Variants in NEU3 observed in about 807,000 individuals in gnomAD.
The protein encoded by NEU3 is neuraminidase 3.
In NEU3, 10 loss-of-function variants were observed where a neutral mutation model predicts 11.4. That is an observed-to-expected ratio of 0.88 (90% CI 0.54 to 1.49). The LOEUF (loss-of-function observed/expected upper bound fraction) is 1.49, where lower values mean the gene tolerates loss of function less well. Ranked by LOEUF, NEU3 falls within the 40% of genes most tolerant of loss-of-function variation. The probability of loss-of-function intolerance (pLI) is 0.00; values close to 1 mark genes in which losing one functional copy is unlikely to be tolerated. For synonymous variants in NEU3, 212 were observed against 228.2 expected (o/e 0.93, Z 0.64); for missense variants, 529 against 581.8 (o/e 0.91, Z 0.93).
At chr11:75,015,799 G>C (rs1362465734), downstream of NEU3, among the ~76,000 whole-genome samples, 2 of 152,186 alleles carry the variant, frequency 1.3e-5, no homozygotes, top group African/African-American at 2.4e-5. Context: ...TCCCTAGTCT[G>C]TCAGTCAGCT....
intron 2 of NEU3, among the ~76,000 whole-genome samples, chr11:74,998,873 C>G (rs985415037): frequency 6.6e-6 from 1 of 152,218 alleles, no homozygotes; most frequent in East Asian, 1.9e-4. Flanking sequence ...GCCCTACAGC[C>G]CAGTAGTACT....
upstream of NEU3, among the ~76,000 whole-genome samples, chr11:74,983,799 A>ATCCAG (rs1256857653): frequency 6.6e-6 from 1 of 152,212 alleles, no homozygotes; most frequent in African/African-American, 2.4e-5. Flanking sequence ...AGTCAGTGCA[A>ATCCAG]TCACTAATAC....
At chr11:74,990,187 T>G in intron 1 of NEU3, 1 of 605,392 alleles carries the variant, frequency 1.7e-6, no homozygotes, top group Non-Finnish European at 2.9e-6. Flanking sequence ...TTCTTCATAT[T>G]GATCTGCTTA....
In NEU3 at chr11:74,992,821, G is replaced by C. The variant is rs140988129; in HGVS notation, c.95-1688G>C. On this transcript the variant is annotated intron_variant, in intron 1 of 2. Transcript: ENST00000294064. ...TAAAAATACAAAAAATTAGCTGGGC[G>C]TGCTGGCGGGCGCTTGCAATCCCAG... 2.6e-3 allele frequency among the ~76,000 whole-genome samples: 400 copies of C among 152,242 alleles called. 2 individuals carry two copies. Among genetic ancestry groups the C allele is most frequent in the African/African-American group, 9.3e-3 (385 of 41,542 alleles).
upstream of NEU3, among the ~76,000 whole-genome samples, chr11:74,985,029 A>C (rs1355311497): frequency 6.6e-6 from 1 of 152,160 alleles, no homozygotes; most frequent in Non-Finnish European, 1.5e-5. Context: ...TAAATATAGA[A>C]ATTGCTCTTT....
At chr11:74,996,823 G>C (rs912728664) in intron 2 of NEU3, among the ~76,000 whole-genome samples, 2 of 152,306 alleles carry the variant, frequency 1.3e-5, no homozygotes, top group Middle Eastern at 3.4e-3. Flanking sequence ...ATTAGTGGCC[G>C]TGAAAACAAC....
chr11:75,017,178 CTGCTTCCAAGGCCAGTGAGTATCCCAG>C (rs1195415164), intron 3 of NEU3, among the ~76,000 whole-genome samples: 2 of 152,220 alleles, frequency 1.3e-5, no homozygotes, highest in African/African-American at 4.8e-5. Context: ...GCTTCCATGT[CTGCTTCCAAGGCCAGTGAGTATCCCAG>C]TGCTTCAGGC....
At chr11:74,989,928 G>C (rs766715214) in intron 1 of NEU3, 3 of 701,310 alleles carry the variant, frequency 4.3e-6, no homozygotes, top group Non-Finnish European at 7.8e-6. Flanking sequence ...CCCCAGAGCA[G>C]GCCCATATCT....
chr11:74,994,487 A>G (rs1218727187), intron 1 of NEU3, 22 bp from the exon 2 acceptor site: 2 of 1,574,890 alleles, frequency 1.3e-6, no homozygotes, highest in Non-Finnish European at 1.7e-6. Context: ...GACACACATT[A>G]AGCTTCCTTC....
Position 74,989,234 on chromosome 11 carries a change from T to C in NEU3, c.94+80T>C, listed in dbSNP as rs1268552061. 3.3e-6 allele frequency: 4 copies of C among 1,209,760 alleles called. No homozygotes were observed. The African/African-American group carries it at 4.6e-5, about 14-fold the overall frequency. 74.9% of individuals were successfully genotyped at this position (1,209,760 alleles called of 1,614,324 possible). A position where few individuals can be genotyped will look rare whatever the true frequency, so the allele number is the denominator to read the frequency against. On this transcript the variant is annotated intron_variant, in intron 1 of 2. Transcript: ENST00000294064. ...CAGGTTGAGCAAGACCATCTGCGTT[T>C]GGGAAATCCAGCCTTGGATTATTGA... is the stretch of plus-strand genomic sequence containing the variant.
upstream of NEU3, among the ~76,000 whole-genome samples, chr11:74,987,904 T>C (rs1336001768): frequency 2.7e-5 from 4 of 145,872 alleles, no homozygotes; most frequent in African/African-American, 5.1e-5. Flanking sequence ...TTTTCTTTTT[T>C]TTTTTTTTTT....
intron 1 of NEU3, among the ~76,000 whole-genome samples, chr11:74,992,213 G>T (rs1948739875): frequency 6.6e-6 from 1 of 152,180 alleles, no homozygotes; most frequent in African/African-American, 2.4e-5. Context: ...TCCTTCTCTG[G>T]TGCCTTGATC....
chr11:75,000,592 A>G (rs1948833272), intron 2 of NEU3, among the ~76,000 whole-genome samples: 1 of 151,162 alleles, frequency 6.6e-6, no homozygotes, highest in African/African-American at 2.4e-5. Flanking sequence ...ATAATATATC[A>G]TTGTATGTAT....
At chr11:75,015,524 C>T (rs1206805531), downstream of NEU3, among the ~76,000 whole-genome samples, 1 of 152,168 alleles carries the variant, frequency 6.6e-6, no homozygotes, top group Non-Finnish European at 1.5e-5. Context: ...CAAGCTTCCC[C>T]CTCCACAAGA....
chr11:75,020,032 T>C (rs753576474), downstream of NEU3, among the ~76,000 whole-genome samples: 5 of 152,214 alleles, frequency 3.3e-5, no homozygotes, highest in Non-Finnish European at 7.3e-5. Context: ...TGCATCAGTA[T>C]GACCTGGATG....
chr11:75,006,632 A>G lies in NEU3; in HGVS notation c.*140A>G. 1.8e-6 allele frequency: 2 copies of G among 1,101,126 alleles called. No homozygotes were observed. The highest frequency in any genetic ancestry group is 2.5e-6 in the Non-Finnish European group (2 of 797,700). 68.2% of individuals were successfully genotyped at this position (1,101,126 alleles called of 1,614,324 possible). ...CACTTTTCCTCCTCCAAAGAGCAAA[A>G]TGAAAATTTTGCCTTAGCTACTGCA... On this transcript the variant is annotated 3_prime_UTR_variant, in exon 3 of 3. Coordinates refer to ENST00000294064, the MANE Select transcript of NEU3 (RefSeq NM_006656.6).
At chr11:75,005,130 G>A (rs1251239908) in intron 2 of NEU3, among the ~76,000 whole-genome samples, 1 of 152,068 alleles carries the variant, frequency 6.6e-6, no homozygotes, top group Non-Finnish European at 1.5e-5. Flanking sequence ...TATAAAGGAG[G>A]TGACTTTTGA....
intron 1 of NEU3, among the ~76,000 whole-genome samples, chr11:74,991,519 C>T (rs1948732271): frequency 6.6e-6 from 1 of 152,194 alleles, no homozygotes. Context: ...TGAAAGCTTC[C>T]TGGAAGATTG....
upstream of NEU3, chr11:74,988,431 T>G (rs1490767780): frequency 1.3e-5 from 2 of 152,550 alleles, no homozygotes; most frequent in African/African-American, 4.8e-5. Flanking sequence ...ATTCCGGTAC[T>G]GTGAAACAGA....
Sources: allele counts gnomAD v4.1 joint callset (sites outside exome capture counted in the v4.1 genomes callset), GRCh38; gene constraint gnomAD v4.1.1; transcripts MANE v1.5; gene names NCBI Gene and HGNC (gene_info 2026-07-23, HGNC 2026-07-21).